DAB2IP: variants seen among roughly 807,000 people sequenced by gnomAD.
The protein encoded by DAB2IP is disabled homolog 2-interacting protein.
In DAB2IP, 28 loss-of-function variants were observed where a neutral mutation model predicts 107.2. That is an observed-to-expected ratio of 0.26 (90% CI 0.19 to 0.36). The LOEUF is 0.36. Ranked by LOEUF, DAB2IP falls within the 10% of genes least tolerant of loss-of-function variation. The probability of loss-of-function intolerance (pLI) is 1.00; values close to 1 mark genes in which losing one functional copy is unlikely to be tolerated. For missense variants in DAB2IP, 1,400 were observed against 1,644.7 expected (o/e 0.85, Z 2.57); for synonymous variants, 755 against 706.4 (o/e 1.07, Z -1.09).
intron 1 of DAB2IP, among the ~76,000 whole-genome samples, chr9:121,619,178 A>C (rs1831375098): frequency 6.6e-6 from 1 of 151,986 alleles, no homozygotes; most frequent in Non-Finnish European, 1.5e-5. Flanking sequence ...ACAAGATCTC[A>C]CTCTGTTGCC....
rs374309271 is a variant in DAB2IP at position 121,578,341 on chromosome 9, C to T, written c.40+11113C>T. The stretch of plus-strand genomic sequence containing the variant: ...TCTCTCTCTCTCTTTCTCCCTCCTG[C>T]TGGGCTCCCCCTGCTCCCCTCTTCC... On this transcript the variant is annotated intron_variant, in intron 1 of 16. Coordinates refer to the DAB2IP transcript ENST00000259371. 3.3e-5 allele frequency among the ~76,000 whole-genome samples: 5 copies of T among 152,064 alleles called. No homozygotes were observed. In the East Asian group the frequency reaches 7.8e-4, roughly 24 times the overall value.
At position 121,776,519 on chromosome 9, in the gene DAB2IP, GTGTC is replaced by G. The variant is rs1229261023; in HGVS notation, c.3314+131_3314+134del. ...GAATGTGGAGAGAGGAGGGAAGAGA[GTGTC>G]TGGGCAGTGGGAGCAGCGTGAGCAC... On this transcript the variant is annotated intron_variant, in intron 14 of 15. Coordinates refer to ENST00000408936, the Ensembl canonical transcript of DAB2IP. The surrounding 1 kb of genome is among the most constrained non-coding windows in gnomAD (Gnocchi z 5.4). 10 of 1,123,686 alleles carry G rather than the reference GTGTC, an allele frequency of 8.9e-6. No homozygotes were observed. Among genetic ancestry groups the G allele is most frequent in the Middle Eastern group, 3.0e-4 (1 of 3,296 alleles). 69.6% of individuals were successfully genotyped at this position (1,123,686 alleles called of 1,614,324 possible). A position where few individuals can be genotyped will look rare whatever the true frequency, so the allele number is the denominator to read the frequency against.
At chr9:121,597,391 G>A (rs1175778923) in intron 1 of DAB2IP, among the ~76,000 whole-genome samples, 3 of 152,128 alleles carry the variant, frequency 2.0e-5, no homozygotes, top group Non-Finnish European at 4.4e-5. Flanking sequence ...CTGACCTGCA[G>A]GGCCATCTCT....
chr9:121,716,626 A>T (rs551780060), intron 3 of DAB2IP, among the ~76,000 whole-genome samples: 1 of 152,192 alleles, frequency 6.6e-6, no homozygotes, highest in Admixed American at 6.5e-5. Flanking sequence ...CCAGCACCCC[A>T]GTGTGCTGCC....
chr9:121,702,454 G>A lies in DAB2IP; in HGVS notation c.362+2996G>A, dbSNP rs772978707. On this transcript the variant is annotated intron_variant, in intron 3 of 15. Transcript: ENST00000408936. The surrounding 1 kb of genome is among the most constrained non-coding windows in gnomAD (Gnocchi z 4.5). ...GCCTTCGGACTTATTCTTCTGAAAC[G>A]GCCTCAGGGGAGGTTGCCAGCTGGT... 9.2e-5 allele frequency among the ~76,000 whole-genome samples: 14 copies of A among 152,246 alleles called. No individual in the cohort carries two copies. Among genetic ancestry groups the A allele is most frequent in the Middle Eastern group, 3.4e-3 (1 of 294 alleles).
At chr9:121,744,040 G>A (rs1832541425) in intron 3 of DAB2IP, among the ~76,000 whole-genome samples, 1 of 152,220 alleles carries the variant, frequency 6.6e-6, no homozygotes, top group Admixed American at 6.5e-5. Context: ...TGTCCCCTGT[G>A]GTGTGCTCCG....
chr9:121,724,428 G>A (rs57634039), intron 3 of DAB2IP, among the ~76,000 whole-genome samples: 3,345 of 152,200 alleles, frequency 0.022, 125 homozygotes, highest in African/African-American at 0.076. Flanking sequence ...CCAACCACCC[G>A]GTCAAACACA....
chr9:121,778,917 T>C (rs1238691607), intron 14 of DAB2IP, among the ~76,000 whole-genome samples: 3 of 152,110 alleles, frequency 2.0e-5, no homozygotes, highest in African/African-American at 7.2e-5. Flanking sequence ...TGGATTGTGA[T>C]GTTCATTGGT....
At chr9:121,657,782 C>CT (rs1208214194) in intron 1 of DAB2IP, among the ~76,000 whole-genome samples, 2 of 152,154 alleles carry the variant, frequency 1.3e-5, no homozygotes, top group Non-Finnish European at 2.9e-5. Flanking sequence ...TAATTCTGTA[C>CT]TTACTAAGAC....
chr9:121,670,877 G>C (rs947891443), intron 1 of DAB2IP, among the ~76,000 whole-genome samples: 2 of 152,162 alleles, frequency 1.3e-5, no homozygotes, highest in Admixed American at 6.6e-5. Context: ...ATTAGGCCGG[G>C]CGTGGTGGCT....
intron 1 of DAB2IP, among the ~76,000 whole-genome samples, chr9:121,611,217 G>A (rs879479495): frequency 1.3e-5 from 2 of 152,162 alleles, no homozygotes; most frequent in African/African-American, 4.8e-5. Flanking sequence ...CAAGTGATCT[G>A]GCTGCCTCAG....
rs1835177096 is a variant in DAB2IP at position 121,776,070 on chromosome 9, G to A, written c.3121-128G>A. 1 of 1,091,220 alleles carries A rather than the reference G, an allele frequency of 9.2e-7. No homozygotes were observed. The highest frequency in any genetic ancestry group is 1.3e-6 in the Non-Finnish European group (1 of 774,342). The allele number at this position is 1,091,220 out of a possible 1,614,324, so 67.6% of individuals were successfully genotyped here. A position where few individuals can be genotyped will look rare whatever the true frequency, so the allele number is the denominator to read the frequency against. On this transcript the variant is annotated intron_variant, in intron 13 of 15. Coordinates refer to ENST00000408936, the Ensembl canonical transcript of DAB2IP. The surrounding 1 kb of genome is among the most constrained non-coding windows in gnomAD (Gnocchi z 5.4). The stretch of plus-strand genomic sequence containing the variant: ...CTTGGGCATCTCCTTGCTATGTGAA[G>A]TGGGCGGGTCACAGCCACTGGGGCC...
chr9:121,611,777 G>A (rs1831105084), intron 1 of DAB2IP, among the ~76,000 whole-genome samples: 1 of 151,762 alleles, frequency 6.6e-6, no homozygotes, highest in African/African-American at 2.4e-5. Flanking sequence ...TAGAGACAGG[G>A]TTTCACCATG....
At chr9:121,756,097 G>A (rs1172073074) in intron 3 of DAB2IP, among the ~76,000 whole-genome samples, 1 of 152,284 alleles carries the variant, frequency 6.6e-6, no homozygotes, top group African/African-American at 2.4e-5. Context: ...CTGTCCTCAC[G>A]CTTTTCCTCT....
chr9:121,725,750 A>C lies in DAB2IP; in HGVS notation c.362+26292A>C, dbSNP rs1467250030. ...GAGGGAAAGGGCTTTTGGGCATGCC[A>C]GGTAGTTGGGTATCACTGGGCACGG... On this transcript the variant is annotated intron_variant, in intron 3 of 15. Coordinates refer to ENST00000408936, the Ensembl canonical transcript of DAB2IP. Among the ~76,000 whole-genome samples, 5 of 152,138 alleles carry C rather than the reference A, an allele frequency of 3.3e-5. 1 individual carries two copies. The East Asian group carries it at 7.7e-4, about 23-fold the overall frequency.
chr9:121,768,580 G>C (rs1456920853), exon 10 of DAB2IP: 1 of 1,614,084 alleles, frequency 6.2e-7, no homozygotes. Context: ...CCTGGGCCGC[G>C]AGCTCTCCAG....
At chr9:121,752,832 C>T (rs918828145) in intron 3 of DAB2IP, 1 of 152,232 alleles carries the variant, frequency 6.6e-6, no homozygotes, top group African/African-American at 2.4e-5. Context: ...GTCTTCACAG[C>T]ACTTTCAGCA....
intron 1 of DAB2IP, among the ~76,000 whole-genome samples, chr9:121,600,115 TG>T (rs987932442): frequency 7.9e-5 from 12 of 151,278 alleles, no homozygotes; most frequent in Middle Eastern, 3.4e-3. Context: ...GAGTTGGGGG[TG>T]GGGGGTGCCA....
At chr9:121,774,302 G>A (rs1433146792) in exon 13 of DAB2IP, 11 of 1,613,310 alleles carry the variant, frequency 6.8e-6, no homozygotes, top group African/African-American at 1.3e-5. Flanking sequence ...CCGCACAGCC[G>A]CTTGGCTCTT....
Sources: gnomAD v4.1 joint callset for allele counts (sites outside exome capture counted in the v4.1 genomes callset) on GRCh38, gnomAD v4.1.1 for gene constraint, Gnocchi (gnomAD v3.1) non-coding constraint, MANE v1.5 for transcripts, NCBI Gene and HGNC (gene_info 2026-07-23, HGNC 2026-07-21) for gene names.